Variants in CENPP observed in about 807,000 individuals in gnomAD.
CENPP encodes the protein centromere protein P.
In CENPP, 24 loss-of-function variants were observed where a neutral mutation model predicts 35.6. That is an observed-to-expected ratio of 0.67 (90% confidence interval 0.49 to 0.95). The LOEUF (loss-of-function observed/expected upper bound fraction) is 0.95, where lower values mean the gene tolerates loss of function less well. Ranked by LOEUF, CENPP falls within the 40% of genes least tolerant of loss-of-function variation. The probability of loss-of-function intolerance (pLI) is 0.00; values close to 1 mark genes in which losing one functional copy is unlikely to be tolerated. For synonymous variants in CENPP, 120 were observed against 125.5 expected, an observed-to-expected ratio of 0.96 and a Z score of 0.29; for missense variants, 332 against 345.3, an observed-to-expected ratio of 0.96 and a Z score of 0.31.
rs193256119 is a variant in CENPP, at chr9:92,426,901, A to G, written c.564+47042A>G. Among the ~76,000 whole-genome samples, 739 of 152,298 alleles carry G rather than the reference A, an allele frequency of 4.9e-3. 13 individuals carry two copies. Among genetic ancestry groups the G allele is most frequent in the African/African-American group, 0.017 (702 of 41,560 alleles). ...TGCTCTGTTGGCTGAGAGATCCTAC[A>G]AGCAGGAGCACTTTAAGCAGCAACA... is the stretch of plus-strand genomic sequence containing the variant. On this transcript the variant is annotated intron_variant, in intron 5 of 7. Transcript: ENST00000375587.
chr9:92,388,889 A>T (rs1842552072), intron 5 of CENPP, among the ~76,000 whole-genome samples: 1 of 152,076 alleles, frequency 6.6e-6, no homozygotes, highest in African/African-American at 2.4e-5. Flanking sequence ...GAGTCCCTTA[A>T]CTTCTGAGTT....
intron 5 of CENPP, among the ~76,000 whole-genome samples, chr9:92,549,796 T>C (rs1363357332): frequency 6.6e-6 from 1 of 152,198 alleles, no homozygotes; most frequent in Non-Finnish European, 1.5e-5. Flanking sequence ...TGTTAGGCAG[T>C]GGAGAACATA....
At chr9:92,342,418 G>C (rs771885968) in intron 3 of CENPP, among the ~76,000 whole-genome samples, 10 of 152,228 alleles carry the variant, frequency 6.6e-5, no homozygotes, top group Non-Finnish European at 1.3e-4. Context: ...ATAGAACCTA[G>C]TAATTGCTGA....
chr9:92,490,358 T>C (rs1846148335), intron 5 of CENPP, among the ~76,000 whole-genome samples: 1 of 152,180 alleles, frequency 6.6e-6, no homozygotes, highest in Non-Finnish European at 1.5e-5. Flanking sequence ...CCTGTAATGG[T>C]CATTTGGTGT....
At chr9:92,349,413 T>A (rs1258271224) in intron 4 of CENPP, among the ~76,000 whole-genome samples, 6 of 151,136 alleles carry the variant, frequency 4.0e-5, no homozygotes, top group South Asian at 2.1e-4. Flanking sequence ...TTTTTTATTT[T>A]TTTTTTTTTG....
intron 4 of CENPP, among the ~76,000 whole-genome samples, chr9:92,371,082 T>G (rs1161544882): frequency 6.6e-6 from 1 of 152,096 alleles, no homozygotes; most frequent in African/African-American, 2.4e-5. Flanking sequence ...CATTATTTAT[T>G]TGCTTATTTA....
At chr9:92,346,607 G>A (rs984286864) in intron 4 of CENPP, among the ~76,000 whole-genome samples, 1 of 152,316 alleles carries the variant, frequency 6.6e-6, no homozygotes, top group Non-Finnish European at 1.5e-5. Flanking sequence ...CAGGGCCTGA[G>A]GAAAGCAAAA....
At chr9:92,585,542 G>C (rs1850519847) in intron 5 of CENPP, among the ~76,000 whole-genome samples, 1 of 152,140 alleles carries the variant, frequency 6.6e-6, no homozygotes, top group Non-Finnish European at 1.5e-5. Context: ...GGAATTACTG[G>C]TTGTATGGCA....
chr9:92,395,004 T>A (rs952795928), intron 5 of CENPP, among the ~76,000 whole-genome samples: 5 of 152,216 alleles, frequency 3.3e-5, no homozygotes, highest in Non-Finnish European at 7.3e-5. Context: ...TGTCACAGAT[T>A]AGGCCCTTTC....
intron 5 of CENPP, among the ~76,000 whole-genome samples, chr9:92,586,318 T>G (rs1329779450): frequency 6.6e-6 from 1 of 152,262 alleles, no homozygotes; most frequent in East Asian, 1.9e-4. Context: ...GTGCTGGGAT[T>G]ACAGGCATGA....
rs1851367098 is a variant in CENPP, at chr9:92,614,403, A to AT, written c.*1255dup. ...CTCCGTGCACTTCACCAAAGCCCCC[A>AT]TCCCAGCACACAGGACCCGTGTGTA... On this transcript the variant is annotated 3_prime_UTR_variant, in exon 8 of 8. Transcript: ENST00000375587. 6.6e-6 allele frequency: 1 copy of AT among 152,302 alleles called. No homozygotes were observed. The allele number at this position is 152,302 out of a possible 1,614,324, so 9.4% of individuals were successfully genotyped here.
intron 4 of CENPP, among the ~76,000 whole-genome samples, chr9:92,346,227 A>G (rs1429935817): frequency 6.6e-6 from 1 of 152,098 alleles, no homozygotes; most frequent in Non-Finnish European, 1.5e-5. Context: ...GGGTCTCACT[A>G]TATTGCCCAG....
intron 5 of CENPP, chr9:92,417,557 ATCT>A (rs749914212): frequency 1.4e-5 from 22 of 1,550,810 alleles, no homozygotes; most frequent in Non-Finnish European, 1.8e-5. Flanking sequence ...TAAAAAACCC[ATCT>A]TCTTTTTTTT....
intron 5 of CENPP, among the ~76,000 whole-genome samples, chr9:92,581,678 T>A (rs545234055): frequency 1.3e-5 from 2 of 152,108 alleles, no homozygotes; most frequent in African/African-American, 2.4e-5. Context: ...TAGACACACA[T>A]TTTAGAATGA....
intron 5 of CENPP, among the ~76,000 whole-genome samples, chr9:92,429,949 C>G (rs1434336786): frequency 6.6e-6 from 1 of 152,108 alleles, no homozygotes; most frequent in African/African-American, 2.4e-5. Context: ...TACTCTTTTC[C>G]TAATGTAAAC....
At position 92,544,910 on chromosome 9, in the gene CENPP, G is replaced by A. The variant is rs528287815; in HGVS notation, c.565-66404G>A. Among the ~76,000 whole-genome samples the A allele has an allele frequency of 2.6e-5, 4 of 152,094 alleles. No individual in the cohort carries two copies. In the East Asian group the frequency reaches 5.8e-4, roughly 22 times the overall value. ...TTTTTTTTGTATTTTTAGTGGAGACGTGGTTTCACCATGTTGGTCAGGCTG... is the reference window on the plus strand; with the variant it reads ...TTTTTTTTGTATTTTTAGTGGAGACATGGTTTCACCATGTTGGTCAGGCTG... On this transcript the variant is annotated intron_variant, in intron 5 of 7. Transcript: ENST00000375587.
intron 4 of CENPP, among the ~76,000 whole-genome samples, chr9:92,367,300 G>T (rs772882052): frequency 1.1e-4 from 17 of 152,068 alleles, no homozygotes; most frequent in Non-Finnish European, 2.1e-4. Context: ...CCGAGTAGCT[G>T]GAATTACAGG....
intron 5 of CENPP, chr9:92,416,511 A>G: frequency 8.4e-6 from 6 of 716,502 alleles, no homozygotes; most frequent in Non-Finnish European, 1.1e-5. Context: ...CAACTTCAAA[A>G]CAACTATTTT....
intron 4 of CENPP, among the ~76,000 whole-genome samples, chr9:92,368,646 T>C (rs1387794647): frequency 6.6e-6 from 1 of 152,230 alleles, no homozygotes; most frequent in African/African-American, 2.4e-5. Flanking sequence ...CTGGTATTTA[T>C]ATATTGTGGA....
Sources: gnomAD v4.1 joint callset for allele counts (sites outside exome capture counted in the v4.1 genomes callset) on GRCh38, gnomAD v4.1.1 for gene constraint, MANE v1.5 for transcripts, NCBI Gene and HGNC (gene_info 2026-07-23, HGNC 2026-07-21) for gene names.